Variants in ALK observed in about 807,000 individuals in gnomAD.
ALK encodes the protein ALK tyrosine kinase receptor.
Under a neutral mutation model 163.1 loss-of-function variants are expected in ALK, and 74 were observed. The ratio of observed to expected loss-of-function variants is 0.45; its 90% confidence interval spans 0.38 to 0.55. The LOEUF is 0.55. Ranked by LOEUF, ALK falls within the 20% of genes least tolerant of loss-of-function variation. The pLI, the probability that ALK is intolerant of heterozygous loss-of-function variation, is 0.00. For synonymous variants in ALK, 960 were observed against 843.2 expected (o/e 1.14, Z -2.40); for missense variants, 2,063 against 2,105.3 (o/e 0.98, Z 0.39).
At chr2:29,414,577 A>T (rs188200110) in intron 4 of ALK, among the ~76,000 whole-genome samples, 2 of 152,344 alleles carry the variant, frequency 1.3e-5, no homozygotes, top group Admixed American at 1.3e-4. Flanking sequence ...CCTTGCTCCC[A>T]GCCCATTCCT....
At chr2:29,200,842 T>TATATATATAC (rs1669158617) in intron 26 of ALK, among the ~76,000 whole-genome samples, 1 of 147,506 alleles carries the variant, frequency 6.8e-6, no homozygotes, top group South Asian at 2.1e-4. Context: ...TATATGTGTG[T>TATATATATAC]GTATATAGAT....
chr2:29,890,381 T>A (rs1667112733), intron 1 of ALK: 1 of 152,192 alleles, frequency 6.6e-6, no homozygotes, highest in Non-Finnish European at 1.5e-5. Flanking sequence ...GCCCTGAGTT[T>A]TCTAAAAGTG....
chr2:29,706,975 A>ATGTGTGTGTGTGTG (rs766564449), intron 2 of ALK, among the ~76,000 whole-genome samples: 39 of 102,780 alleles, frequency 3.8e-4, no homozygotes, highest in East Asian at 1.3e-3. Flanking sequence ...CTCATGCAGA[A>ATGTGTGTGTGTGTG]TGTGTGTGTG....
intron 1 of ALK, among the ~76,000 whole-genome samples, chr2:29,728,746 G>A (rs539401716): frequency 2.8e-4 from 43 of 152,114 alleles, no homozygotes; most frequent in Non-Finnish European, 3.7e-4. Flanking sequence ...AGAACGGAGC[G>A]CCAGCTCCTT....
At position 29,642,268 on chromosome 2, in the gene ALK, G is replaced by T. The variant is rs368825189; in HGVS notation, c.952+52582C>A. 4.1e-4 allele frequency among the ~76,000 whole-genome samples: 63 copies of T among 152,272 alleles called. No individual in the cohort carries two copies. In the East Asian group the frequency reaches 7.3e-3, roughly 18 times the overall value. ...TCAAATATGCACCTTATTTCCTATAGTTCAGGAAAACTTGGCCATTGGAGA... is the reference window on the plus strand; with the variant it reads ...TCAAATATGCACCTTATTTCCTATATTTCAGGAAAACTTGGCCATTGGAGA... On this transcript the variant is annotated intron_variant, in intron 3 of 28. Transcript: ENST00000389048.
intron 4 of ALK, 121 bp downstream of exon 4, chr2:29,531,794 G>A (rs899125043): frequency 9.6e-7 from 1 of 1,044,984 alleles, no homozygotes; most frequent in African/African-American, 1.6e-5. Flanking sequence ...TGCTCAACCT[G>A]GACCTACCGA....
chr2:29,259,545 C>T (rs939809606), intron 11 of ALK, among the ~76,000 whole-genome samples: 3 of 152,030 alleles, frequency 2.0e-5, no homozygotes, highest in African/African-American at 7.2e-5. Flanking sequence ...ATATATTTTT[C>T]CCTAGAGTAT....
chr2:29,343,377 T>TA (rs36010663), intron 5 of ALK, among the ~76,000 whole-genome samples: 63,882 of 132,778 alleles, frequency 0.48, 15,711 homozygotes, highest in East Asian at 0.9. Context: ...TCTGGCTAAG[T>TA]AAAAAAAAAA....
intron 3 of ALK, among the ~76,000 whole-genome samples, chr2:29,651,647 C>G (rs961890621): frequency 1.3e-5 from 2 of 152,154 alleles, no homozygotes; most frequent in Non-Finnish European, 2.9e-5. Flanking sequence ...CCCTGCACAA[C>G]TCGAGGAGGC....
chr2:29,573,965 G>T (rs913954560), intron 3 of ALK, among the ~76,000 whole-genome samples: 1 of 152,062 alleles, frequency 6.6e-6, no homozygotes, highest in Non-Finnish European at 1.5e-5. Flanking sequence ...AGGAGAGAGA[G>T]ATGGATATAT....
chr2:29,234,298 G>A (rs1207929305), intron 13 of ALK, among the ~76,000 whole-genome samples: 1 of 152,176 alleles, frequency 6.6e-6, no homozygotes, highest in Non-Finnish European at 1.5e-5. Flanking sequence ...CATGGCTAGA[G>A]GCCTTGAAGG....
chr2:29,763,674 T>G (rs527983756), intron 1 of ALK, among the ~76,000 whole-genome samples: 1 of 152,238 alleles, frequency 6.6e-6, no homozygotes, highest in East Asian at 1.9e-4. Flanking sequence ...ATAGCGAGGA[T>G]TGAGGGTGCT....
At chr2:29,727,004 T>G (rs1056342019) in intron 1 of ALK, among the ~76,000 whole-genome samples, 1 of 152,160 alleles carries the variant, frequency 6.6e-6, no homozygotes, top group Non-Finnish European at 1.5e-5. Context: ...GGTTGGGAAT[T>G]AAATACAGAA....
At chr2:29,358,864 C>G (rs898773213) in intron 5 of ALK, among the ~76,000 whole-genome samples, 4 of 152,128 alleles carry the variant, frequency 2.6e-5, no homozygotes, top group Non-Finnish European at 5.9e-5. Context: ...ACCTTACCAG[C>G]TCTGTGAGGA....
intron 12 of ALK, among the ~76,000 whole-genome samples, chr2:29,249,779 C>A (rs1422973083): frequency 1.3e-5 from 2 of 152,166 alleles, no homozygotes; most frequent in Non-Finnish European, 2.9e-5. Flanking sequence ...AGGCTTGGCT[C>A]AGCAGGAAGG....
intron 4 of ALK, among the ~76,000 whole-genome samples, chr2:29,520,157 C>A (rs767830748): frequency 7.2e-5 from 11 of 152,152 alleles, no homozygotes; most frequent in Non-Finnish European, 1.5e-4. Context: ...ATTTCCAAGA[C>A]TAACATAGGC....
intron 4 of ALK, among the ~76,000 whole-genome samples, chr2:29,487,204 G>A (rs1242010194): frequency 1.3e-5 from 2 of 152,146 alleles, no homozygotes; most frequent in Admixed American, 6.5e-5. Context: ...GCCAGTTTGG[G>A]AGTATGGTCC....
Position 29,417,268 on chromosome 2 carries a change from G to A in ALK, c.1155-33409C>T, listed in dbSNP as rs116881952. 1.9e-4 allele frequency among the ~76,000 whole-genome samples: 29 copies of A among 152,272 alleles called. No homozygotes were observed. The South Asian group carries it at 5.0e-3, about 26-fold the overall frequency. On this transcript the variant is annotated intron_variant, in intron 4 of 28. Transcript: ENST00000389048. ...CTCCCAAAGTGCTGGGATTACAGGCGTGAGCATTTGAAGCATTTTAAACAT... is the reference window on the plus strand; with the variant it reads ...CTCCCAAAGTGCTGGGATTACAGGCATGAGCATTTGAAGCATTTTAAACAT...
intron 1 of ALK, among the ~76,000 whole-genome samples, chr2:29,768,924 C>T (rs566654515): frequency 3.6e-4 from 55 of 152,100 alleles, no homozygotes; most frequent in Middle Eastern, 3.4e-3. Flanking sequence ...GCCTTGACTT[C>T]CTGGGCTCAA....
Sources: allele counts gnomAD v4.1 joint callset (sites outside exome capture counted in the v4.1 genomes callset), GRCh38; gene constraint gnomAD v4.1.1; transcripts MANE v1.5; gene names NCBI Gene and HGNC (gene_info 2026-07-23, HGNC 2026-07-21).